Variants in SLC26A8 observed in about 807,000 individuals in gnomAD.
SLC26A8 encodes the protein solute carrier family 26 member 8, also known as testis anion transporter 1.
A neutral mutation model predicts 105.0 loss-of-function variants in SLC26A8; 70 were observed. The ratio of observed to expected loss-of-function variants is 0.67; its 90% confidence interval spans 0.55 to 0.81. The LOEUF (loss-of-function observed/expected upper bound fraction) is 0.81. Ranked by LOEUF, SLC26A8 falls within the 40% of genes least tolerant of loss-of-function variation. The probability of loss-of-function intolerance (pLI) is 0.00; values close to 1 mark genes in which losing one functional copy is unlikely to be tolerated. For missense variants in SLC26A8, 998 were observed against 1,181.8 expected, an observed-to-expected ratio of 0.84 and a Z score of 2.28; for synonymous variants, 415 against 438.3, an observed-to-expected ratio of 0.95 and a Z score of 0.66.
intron 5 of SLC26A8, 112 bp downstream of exon 5, chr6:35,997,626 C>T: frequency 9.1e-7 from 1 of 1,098,500 alleles, no homozygotes. Flanking sequence ...AAAAATAAAT[C>T]ACTGAAGTTC....
chr6:36,005,689 C>A (rs764327114), intron 3 of SLC26A8, among the ~76,000 whole-genome samples: 59 of 152,136 alleles, frequency 3.9e-4, no homozygotes, highest in Non-Finnish European at 7.6e-4. Context: ...GCTATTTTCT[C>A]CTAGGTTTTC....
chr6:35,975,562 G>GTTTTT, intron 9 of SLC26A8, 74 bp from the exon 10 acceptor site: 1 of 609,206 alleles, frequency 1.6e-6, no homozygotes, highest in Non-Finnish European at 2.7e-6. Flanking sequence ...AAGGCATATG[G>GTTTTT]TTTTTTTTTT....
rs574149535 is a variant in SLC26A8, at chr6:35,953,178, T to C, written c.2233-1679A>G. 3.9e-5 allele frequency among the ~76,000 whole-genome samples: 6 copies of C among 152,210 alleles called. No individual in the cohort carries two copies. The South Asian group carries it at 1.2e-3, about 32-fold the overall frequency. On this transcript the variant is annotated intron_variant, in intron 17 of 19. Transcript: ENST00000490799. ...TTAGAGTGCAAAAGTACACCATGAA[T>C]CTCTGAAGGCTGAAAGTGAAAGGCG...
At position 35,944,318 on chromosome 6, in the gene SLC26A8, A is replaced by G. The variant is rs773299771; in HGVS notation, c.2495T>C (p.Met832Thr). 18 of 1,612,278 alleles carry G rather than the reference A, an allele frequency of 1.1e-5. No individual in the cohort carries two copies. The highest frequency in any genetic ancestry group is 2.2e-5 in the South Asian group (2 of 91,036). ...TDKNDNSRYK[M>T]SSSFLGSQKN... ...TTGGCTTCCTAGAAAACTGCTGCTCATTTTATATCTTGAATTGTCATTCTG... is the reference window on the plus strand; with the variant it reads ...TTGGCTTCCTAGAAAACTGCTGCTCGTTTTATATCTTGAATTGTCATTCTG... The change falls in exon 20 of 20, where the codon ATG becomes ACG. Residue 832 changes from methionine to threonine, a missense_variant. By Grantham distance (81) the Met-to-Thr change is moderately conservative (BLOSUM62 -1). Coordinates refer to ENST00000490799, the MANE Select transcript of SLC26A8 (RefSeq NM_052961.4).
In SLC26A8 at chr6:35,959,463, G is replaced by A. The variant is rs137933996; in HGVS notation, c.1860C>T (p.Pro620=). The stretch of plus-strand genomic sequence containing the variant: ...GGAAAGAAAAGGCATTTCTAACCCT[G>A]GGCAGCGGCTCCAGATCATCACAGT... ...FCNCDDLEPL[P]RILYTERFEN... The change falls in exon 16 of 20, where the codon CCC becomes CCT. Residue 620 remains proline (P), a synonymous_variant. Coordinates refer to ENST00000490799, the MANE Select transcript of SLC26A8 (RefSeq NM_052961.4). The A allele has an allele frequency of 5.6e-6, 9 of 1,608,772 alleles. No individual in the cohort carries two copies. The highest frequency in any genetic ancestry group is 3.3e-5 in the South Asian group (3 of 90,010).
intron 10 of SLC26A8, among the ~76,000 whole-genome samples, chr6:35,971,776 T>C (rs1772807317): frequency 6.6e-6 from 1 of 152,226 alleles, no homozygotes; most frequent in South Asian, 2.1e-4. Flanking sequence ...CTAAAAAGAA[T>C]GCAATGCATT....
At chr6:35,997,027 C>T (rs1473971344) in intron 5 of SLC26A8, among the ~76,000 whole-genome samples, 1 of 150,894 alleles carries the variant, frequency 6.6e-6, no homozygotes, top group Non-Finnish European at 1.5e-5. Context: ...AAGAGCAAAA[C>T]TCCATCTAAA....
At chr6:35,974,768 A>G (rs1188973080) in intron 10 of SLC26A8, among the ~76,000 whole-genome samples, 1 of 152,146 alleles carries the variant, frequency 6.6e-6, no homozygotes, top group African/African-American at 2.4e-5. Flanking sequence ...ACGGAATCTC[A>G]TTCTGCCACC....
intron 8 of SLC26A8, among the ~76,000 whole-genome samples, chr6:35,979,820 A>G (rs1773200812): frequency 6.6e-6 from 1 of 152,234 alleles, no homozygotes; most frequent in Non-Finnish European, 1.5e-5. Context: ...AAATTGTCCA[A>G]TCTTACTATT....
intron 16 of SLC26A8, among the ~76,000 whole-genome samples, chr6:35,957,115 G>A (rs981652359): frequency 2.0e-5 from 3 of 151,292 alleles, no homozygotes; most frequent in South Asian, 2.1e-4. Context: ...TCAGCTACTC[G>A]GGAGGCTGAG....
chr6:35,994,105 T>C (rs534004774), intron 5 of SLC26A8, among the ~76,000 whole-genome samples: 1 of 139,316 alleles, frequency 7.2e-6, no homozygotes, highest in East Asian at 2.1e-4. Flanking sequence ...GTCTCCCTTT[T>C]TTTTTCTTTT....
chr6:35,962,556 G>A lies in SLC26A8; in HGVS notation c.1431C>T (p.Pro477=), dbSNP rs1391875830. 5 of 1,613,984 alleles carry A rather than the reference G, an allele frequency of 3.1e-6. No individual in the cohort carries two copies. Among genetic ancestry groups the A allele is most frequent in the East Asian group, 2.2e-5 (1 of 44,898 alleles). The change falls in exon 12 of 20, where the codon CCC becomes CCT. Residue 477 remains proline, a synonymous_variant. Coordinates refer to ENST00000490799, the MANE Select transcript of SLC26A8 (RefSeq NM_052961.4). ...IPYLETISNL[P]SLWRQDQYDC... is the part of the protein sequence containing the mutation. ...CATATTGGTCCTGCCTCCACAGGCTGGGTAGGTTAGAAATGGTTTCAAGGT... is the reference window on the plus strand; with the variant it reads ...CATATTGGTCCTGCCTCCACAGGCTAGGTAGGTTAGAAATGGTTTCAAGGT...
In SLC26A8 at chr6:36,012,235, T is replaced by G. The variant is rs769579658; in HGVS notation, c.326A>C (p.Gln109Pro). Residue 109 changes from glutamine to proline, a missense_variant and splice_region_variant, in exon 3 of 20, where the codon CAA (glutamine) becomes CCA (proline). By Grantham distance (76) the Gln-to-Pro change is moderately conservative. Coordinates refer to ENST00000490799, the MANE Select transcript of SLC26A8 (RefSeq NM_052961.4). ...AACAGGCTTCATATCTTCCTTACCT[T>G]GGGGAACTTGCACAAGGCCAACACT... The part of the protein sequence containing the change: ...GISVGLVQVP[Q>P]GLTLSLLARQ... 1.2e-6 allele frequency: 2 copies of G among 1,611,912 alleles called. No individual in the cohort carries two copies. Among genetic ancestry groups the G allele is most frequent in the Admixed American group, 3.4e-5 (2 of 59,286 alleles).
At chr6:36,024,367 C>T (rs1468472867) in intron 1 of SLC26A8, 137 bp downstream of exon 1, 2 of 435,820 alleles carry the variant, frequency 4.6e-6, no homozygotes, top group Admixed American at 2.5e-5. Flanking sequence ...ATCATTCATT[C>T]ATTCCACAGA....
chr6:35,945,753 A>G (rs1771636490), intron 19 of SLC26A8, among the ~76,000 whole-genome samples: 1 of 152,160 alleles, frequency 6.6e-6, no homozygotes, highest in South Asian at 2.1e-4. Flanking sequence ...ACTAGACTCT[A>G]AGCTCCTTGT....
intron 11 of SLC26A8, among the ~76,000 whole-genome samples, chr6:35,967,345 C>T (rs1772557934): frequency 6.6e-6 from 1 of 152,170 alleles, no homozygotes; most frequent in Admixed American, 6.5e-5. Flanking sequence ...CTGCTACATC[C>T]ACAAATAAAC....
intron 3 of SLC26A8, among the ~76,000 whole-genome samples, chr6:36,008,390 G>A (rs1031860082): frequency 6.6e-6 from 1 of 152,164 alleles, no homozygotes; most frequent in Middle Eastern, 3.2e-3. Context: ...TACTTGAACA[G>A]ACCCTTCAAA....
At chr6:35,950,777 G>A (rs996200374) in intron 19 of SLC26A8, among the ~76,000 whole-genome samples, 1 of 152,148 alleles carries the variant, frequency 6.6e-6, no homozygotes. Context: ...GTGGGGTGGG[G>A]AGGAATTCTA....
At chr6:35,955,744 C>T (rs541491340) in intron 16 of SLC26A8, among the ~76,000 whole-genome samples, 4 of 152,282 alleles carry the variant, frequency 2.6e-5, no homozygotes, top group Admixed American at 2.6e-4. Flanking sequence ...ACGACACCCC[C>T]CTCCCAACTT....
Sources: allele counts gnomAD v4.1 joint callset (sites outside exome capture counted in the v4.1 genomes callset), GRCh38; gene constraint gnomAD v4.1.1; transcripts MANE v1.5; gene names NCBI Gene and HGNC (gene_info 2026-07-23, HGNC 2026-07-21).